SNTG1: variants seen among roughly 807,000 people sequenced by gnomAD.
SNTG1 encodes syntrophin gamma 1, also known as gamma-1-syntrophin.
A neutral mutation model predicts 74.7 loss-of-function variants in SNTG1; 39 were observed. The ratio of observed to expected loss-of-function variants is 0.52; its 90% CI spans 0.40 to 0.68. SNTG1 has a LOEUF of 0.68. Ranked by LOEUF, SNTG1 falls within the 30% of genes least tolerant of loss-of-function variation. The pLI, the probability that SNTG1 is intolerant of heterozygous loss-of-function variation, is 0.00. For synonymous variants in SNTG1, 254 were observed against 217.1 expected (o/e 1.17, Z -1.49); for missense variants, 685 against 609.5 (o/e 1.12, Z -1.30).
intron 1 of SNTG1, among the ~76,000 whole-genome samples, chr8:50,096,364 T>G (rs958154234): frequency 6.6e-6 from 1 of 152,190 alleles, no homozygotes; most frequent in African/African-American, 2.4e-5. Context: ...TCTGGAAATC[T>G]TGGAGCTTCT....
At chr8:50,037,889 T>C (rs543859480) in intron 1 of SNTG1, among the ~76,000 whole-genome samples, 1 of 152,220 alleles carries the variant, frequency 6.6e-6, no homozygotes, top group Admixed American at 6.5e-5. Flanking sequence ...TTACTCAATG[T>C]TAGCCATGAA....
At chr8:50,542,405 C>A (rs1242813433) in intron 11 of SNTG1, among the ~76,000 whole-genome samples, 1 of 151,992 alleles carries the variant, frequency 6.6e-6, no homozygotes, top group African/African-American at 2.4e-5. Context: ...GATCCACCCG[C>A]CTCGGCCTCC....
chr8:50,517,916 G>A lies in SNTG1; in HGVS notation c.467-12261G>A, dbSNP rs190186227. 1.5e-3 allele frequency among the ~76,000 whole-genome samples: 230 copies of A among 152,238 alleles called. 2 individuals carry two copies. Among genetic ancestry groups the A allele is most frequent in the Middle Eastern group, 0.01 (3 of 294 alleles). ...GATCAAGAGGACAGAAAATTAACAA[G>A]GATATTCAGGACTTGAACTCAGCTC... On this transcript the variant is annotated intron_variant, in intron 9 of 18. Transcript: ENST00000642720.
intron 8 of SNTG1, among the ~76,000 whole-genome samples, chr8:50,461,731 G>GTTTGTTTGTTTTGTTGT (rs1554534413): frequency 1.3e-5 from 2 of 150,934 alleles, no homozygotes; most frequent in South Asian, 4.2e-4. Context: ...TTGTTTGTTT[G>GTTTGTTTGTTTTGTTGT]TTTGTTTTGT....
chr8:50,290,613 C>A (rs1482636839), intron 2 of SNTG1, among the ~76,000 whole-genome samples: 1 of 152,120 alleles, frequency 6.6e-6, no homozygotes, highest in Non-Finnish European at 1.5e-5. Context: ...ATTAGTATAG[C>A]ACATATATTA....
chr8:50,449,328 G>A (rs1239965051), intron 5 of SNTG1, among the ~76,000 whole-genome samples: 2 of 152,204 alleles, frequency 1.3e-5, no homozygotes, highest in Non-Finnish European at 2.9e-5. Context: ...CAGGATAACA[G>A]TAATATATAA....
intron 2 of SNTG1, among the ~76,000 whole-genome samples, chr8:50,285,659 T>A (rs1477401941): frequency 6.6e-6 from 1 of 152,122 alleles, no homozygotes; most frequent in Non-Finnish European, 1.5e-5. Context: ...TATGCACAGA[T>A]AAATGACTAA....
intron 1 of SNTG1, among the ~76,000 whole-genome samples, chr8:49,957,890 G>A (rs1000087186): frequency 1.3e-5 from 2 of 152,146 alleles, no homozygotes; most frequent in East Asian, 1.9e-4. Flanking sequence ...GGTTTGAACC[G>A]GGAGTTGAAG....
Position 50,770,709 on chromosome 8 carries a change from G to T in SNTG1, c.1395+18598G>T, listed in dbSNP as rs1183955759. On this transcript the variant is annotated intron_variant, in intron 18 of 18. Transcript: ENST00000642720. ...GTGATGAGGTGGGGCCTATTGGGAG[G>T]TGTCTGGGTCATAGTGGTGAATAAT... Among the ~76,000 whole-genome samples the T allele has an allele frequency of 2.0e-5, 3 of 152,156 alleles. No individual in the cohort carries two copies. The East Asian group carries it at 5.8e-4, about 30-fold the overall frequency.
chr8:50,355,231 C>G (rs999337629), intron 2 of SNTG1, among the ~76,000 whole-genome samples: 1 of 149,234 alleles, frequency 6.7e-6, no homozygotes, highest in Non-Finnish European at 1.5e-5. Flanking sequence ...TAGTGAAACA[C>G]TTGGAAATTA....
chr8:50,603,683 A>T (rs1293710129), intron 13 of SNTG1, among the ~76,000 whole-genome samples: 1 of 152,166 alleles, frequency 6.6e-6, no homozygotes, highest in Admixed American at 6.5e-5. Context: ...ATTCGATGCA[A>T]CTTGGACCCC....
chr8:50,115,839 A>T (rs1483871310), intron 1 of SNTG1, among the ~76,000 whole-genome samples: 1 of 151,590 alleles, frequency 6.6e-6, no homozygotes, highest in East Asian at 1.9e-4. Flanking sequence ...ATGTCCAACT[A>T]CTCCTTCATC....
At chr8:50,706,718 C>T (rs2131541092) in intron 16 of SNTG1, among the ~76,000 whole-genome samples, 1 of 152,134 alleles carries the variant, frequency 6.6e-6, no homozygotes. Context: ...TTATTTACCA[C>T]ATAAGAAATC....
chr8:50,311,813 T>C (rs1354821305), intron 2 of SNTG1, among the ~76,000 whole-genome samples: 1 of 152,164 alleles, frequency 6.6e-6, no homozygotes, highest in African/African-American at 2.4e-5. Context: ...TTGTATAGTT[T>C]TTGACTGACC....
chr8:50,335,216 A>C (rs944953186), intron 2 of SNTG1, among the ~76,000 whole-genome samples: 15 of 151,934 alleles, frequency 9.9e-5, no homozygotes, highest in Non-Finnish European at 1.9e-4. Flanking sequence ...TCTTTTTATT[A>C]GTTTCATATT....
intron 9 of SNTG1, among the ~76,000 whole-genome samples, chr8:50,522,004 T>A (rs549499289): frequency 1.2e-4 from 19 of 152,316 alleles, no homozygotes; most frequent in East Asian, 9.7e-4. Flanking sequence ...ATATTAATCA[T>A]GAGTATTCTT....
intron 1 of SNTG1, among the ~76,000 whole-genome samples, chr8:50,075,147 T>TC (rs1230105661): frequency 1.3e-5 from 2 of 151,948 alleles, no homozygotes; most frequent in Non-Finnish European, 2.9e-5. Context: ...CCTCTCCGCC[T>TC]CCCCCCTGTG....
intron 15 of SNTG1, among the ~76,000 whole-genome samples, chr8:50,700,711 T>C (rs996252678): frequency 4.6e-5 from 7 of 152,212 alleles, no homozygotes; most frequent in Non-Finnish European, 7.3e-5. Flanking sequence ...AGATGATTTA[T>C]CGTTCCTTAT....
intron 17 of SNTG1, among the ~76,000 whole-genome samples, chr8:50,744,968 A>G (rs529648650): frequency 2.6e-5 from 4 of 152,024 alleles, no homozygotes; most frequent in Non-Finnish European, 5.9e-5. Context: ...GCATAGGGGA[A>G]AAGCTTCATT....
Sources: gnomAD v4.1 joint callset for allele counts (sites outside exome capture counted in the v4.1 genomes callset) on GRCh38, gnomAD v4.1.1 for gene constraint, MANE v1.5 for transcripts, NCBI Gene and HGNC (gene_info 2026-07-23, HGNC 2026-07-21) for gene names.